The following DYNLT2B variants were observed in gnomAD, a reference collection of about 807,000 sequenced individuals.
DYNLT2B encodes the protein dynein light chain Tctex-type 2B, also known as dynein light chain Tctex-type protein 2B.
In DYNLT2B, 14 loss-of-function variants were observed where a neutral mutation model predicts 19.5. The observed-to-expected ratio is 0.72, with a 90% CI of 0.47 to 1.12. DYNLT2B has a LOEUF of 1.12. DYNLT2B is among the 50% of genes most tolerant of loss of function. DYNLT2B has a pLI of 0.00. For missense variants in DYNLT2B, 133 were observed against 174.7 expected (o/e 0.76, Z 1.35); for synonymous variants, 70 against 59.7 (o/e 1.17, Z -0.79).
At chr3:196,300,752 A>AAT in intron 3 of DYNLT2B, among the ~76,000 whole-genome samples, 1 of 148,284 alleles carries the variant, frequency 6.7e-6, no homozygotes, top group South Asian at 2.1e-4. Flanking sequence ...AAAAAAAAAA[A>AAT]TAGAAACAAG....
chr3:196,312,606 C>G (rs1287855030), intron 2 of DYNLT2B, among the ~76,000 whole-genome samples: 1 of 151,684 alleles, frequency 6.6e-6, no homozygotes, highest in Non-Finnish European at 1.5e-5. Flanking sequence ...TTACAGATGC[C>G]CACTACCACG....
intron 4 of DYNLT2B, chr3:196,292,382 G>C (rs750817079): frequency 2.0e-5 from 3 of 152,200 alleles, no homozygotes; most frequent in Non-Finnish European, 4.4e-5. Flanking sequence ...GTTTAGCCCA[G>C]CTCCCTGGCT....
chr3:196,304,276 T>C (rs530530622), intron 3 of DYNLT2B, among the ~76,000 whole-genome samples: 14 of 151,932 alleles, frequency 9.2e-5, no homozygotes, highest in African/African-American at 2.4e-5. Flanking sequence ...GGGTTACAGG[T>C]GTGCACCACC....
At chr3:196,314,530 A>G (rs1375055707) in intron 2 of DYNLT2B, among the ~76,000 whole-genome samples, 1 of 151,720 alleles carries the variant, frequency 6.6e-6, no homozygotes. Flanking sequence ...CAAAAGAGAG[A>G]GACCAGGCGC....
At chr3:196,306,181 G>C (rs1323278245) in intron 3 of DYNLT2B, among the ~76,000 whole-genome samples, 1 of 151,566 alleles carries the variant, frequency 6.6e-6, no homozygotes, top group African/African-American at 2.4e-5. Flanking sequence ...GGAGGCCAAG[G>C]CTGGTGAATT....
chr3:196,297,856 CT>C (rs560492587), intron 3 of DYNLT2B, among the ~76,000 whole-genome samples: 1,986 of 152,092 alleles, frequency 0.013, 52 homozygotes, highest in African/African-American at 0.046. Context: ...TATATTGGTT[CT>C]TTTTTTTCCT....
At chr3:196,309,316 A>G (rs1726571552) in intron 2 of DYNLT2B, among the ~76,000 whole-genome samples, 1 of 152,100 alleles carries the variant, frequency 6.6e-6, no homozygotes, top group Non-Finnish European at 1.5e-5. Flanking sequence ...CCCAGGCTGA[A>G]GTGCAATGGC....
At chr3:196,301,145 T>A (rs75592913) in intron 3 of DYNLT2B, among the ~76,000 whole-genome samples, 1,536 of 151,968 alleles carry the variant, frequency 0.01, 22 homozygotes, top group African/African-American at 0.034. Context: ...GAAAAGAAAA[T>A]TTTTTAAAAA....
rs370961340 is a variant in DYNLT2B, at chr3:196,306,925, G to A, written c.317+18C>T. On this transcript the variant is annotated intron_variant, in intron 3 of 4. Transcript: ENST00000325318. ...AAATATAGATGACTAAAACAAGAAG[G>A]AAAATCCAGCTACTCACAATACTCC... 3.2e-5 allele frequency: 51 copies of A among 1,609,284 alleles called. No individual in the cohort carries two copies. The African/African-American group carries it at 6.3e-4, about 20-fold the overall frequency.
Position 196,296,034 on chromosome 3 carries a change from T to C in DYNLT2B, c.353A>G (p.Asp118Gly). The C allele has an allele frequency of 6.2e-7, 1 of 1,614,048 alleles. No individual in the cohort carries two copies. The highest frequency in any genetic ancestry group is 8.5e-7 in the Non-Finnish European group (1 of 1,179,950). ...ASRCFWDADTDNYTHDVFMND... is the reference protein window; with the variant it reads ...ASRCFWDADTGNYTHDVFMND... ...CATGAAAACATCATGAGTATAGTTG[T>C]CAGTGTCAGCATCCCAGAAACAGCG... The change falls in exon 4 of 5, where the codon GAC becomes GGC. Residue 118 changes from aspartate (D) to glycine (G), a missense_variant. Asp to Gly is a moderately conservative substitution (Grantham distance 94). Transcript: ENST00000325318.
intron 1 of DYNLT2B, among the ~76,000 whole-genome samples, chr3:196,316,870 G>A (rs1011134746): frequency 6.6e-5 from 9 of 137,384 alleles, no homozygotes; most frequent in Non-Finnish European, 1.6e-5. Flanking sequence ...GCTCTGGCCC[G>A]TGAGCCTGAC....
chr3:196,315,396 G>A (rs1164339386), intron 2 of DYNLT2B: 1 of 321,250 alleles, frequency 3.1e-6, no homozygotes, highest in Non-Finnish European at 6.0e-6. Flanking sequence ...CCAAGCAGCT[G>A]GGACTGCAGG....
intron 2 of DYNLT2B, among the ~76,000 whole-genome samples, chr3:196,311,838 G>A (rs936616924): frequency 2.6e-5 from 4 of 152,056 alleles, no homozygotes; most frequent in South Asian, 2.1e-4. Flanking sequence ...TTGGGAGGCC[G>A]AGACGGGTGG....
intron 3 of DYNLT2B, among the ~76,000 whole-genome samples, chr3:196,296,986 G>T (rs1726239508): frequency 1.3e-5 from 2 of 150,702 alleles, no homozygotes; most frequent in South Asian, 4.2e-4. Context: ...GAGGTCGGGG[G>T]ATCGAGACCA....
intron 4 of DYNLT2B, among the ~76,000 whole-genome samples, chr3:196,292,957 A>G (rs1726131852): frequency 6.6e-6 from 1 of 152,026 alleles, no homozygotes; most frequent in Non-Finnish European, 1.5e-5. Flanking sequence ...GGGTTCAAGC[A>G]ATTCTCCTGC....
chr3:196,307,749 C>T (rs1462900586), intron 2 of DYNLT2B, among the ~76,000 whole-genome samples: 2 of 151,896 alleles, frequency 1.3e-5, no homozygotes, highest in Admixed American at 1.3e-4. Context: ...GTTTTTCTTG[C>T]CTTAAAGAAC....
At chr3:196,315,324 G>A (rs1473981005) in intron 2 of DYNLT2B, 12 of 373,874 alleles carry the variant, frequency 3.2e-5, no homozygotes, top group Non-Finnish European at 5.6e-5. Context: ...GTGCAGTGAC[G>A]CGATCTCAGC....
chr3:196,305,040 G>T (rs1018347676), intron 3 of DYNLT2B, among the ~76,000 whole-genome samples: 2 of 152,036 alleles, frequency 1.3e-5, no homozygotes, highest in African/African-American at 4.8e-5. Context: ...GTGCCACCAT[G>T]CCCGGCTAAT....
intron 1 of DYNLT2B, 78 bp downstream of exon 1, chr3:196,317,962 G>T: frequency 1.2e-6 from 1 of 825,042 alleles, no homozygotes; most frequent in Non-Finnish European, 1.7e-6. Context: ...CTCCTTCCGT[G>T]GCCCAGGTCC....
Sources: gnomAD v4.1 joint callset for allele counts (sites outside exome capture counted in the v4.1 genomes callset) on GRCh38, gnomAD v4.1.1 for gene constraint, MANE v1.5 for transcripts, NCBI Gene and HGNC (gene_info 2026-07-23, HGNC 2026-07-21) for gene names.